Variants in AGPS observed in about 807,000 individuals in gnomAD.
AGPS encodes the protein alkylglycerone phosphate synthase, also known as alkyldihydroxyacetonephosphate synthase, peroxisomal.
AGPS carries 26 observed loss-of-function variants against 90.7 expected under a neutral mutation model. The observed-to-expected ratio is 0.29, with a 90% confidence interval of 0.21 to 0.40. The LOEUF is 0.40. Among genes scored for constraint, AGPS ranks in the 10% least tolerant of loss-of-function variants. The pLI is 1.00. For synonymous variants in AGPS, 294 were observed against 285.3 expected, an observed-to-expected ratio of 1.03 and a Z score of -0.31; for missense variants, 540 against 816.1, an observed-to-expected ratio of 0.66 and a Z score of 4.12.
At chr2:177,522,213 T>G (rs1313254925) in intron 18 of AGPS, among the ~76,000 whole-genome samples, 1 of 152,138 alleles carries the variant, frequency 6.6e-6, no homozygotes, top group Non-Finnish European at 1.5e-5. Context: ...CCCAAAAGTC[T>G]GAGTACTTTT....
chr2:177,434,997 GTA>G lies in AGPS; in HGVS notation c.441+606_441+607del, dbSNP rs1553509324. Among the ~76,000 whole-genome samples the G allele has an allele frequency of 4.7e-3, 608 of 128,122 alleles. 4 individuals are homozygous for G. The highest frequency in any genetic ancestry group is 0.011 in the African/African-American group (359 of 32,638). The allele number at this position is 128,122 out of a possible 152,430, so 84.1% of individuals were successfully genotyped here. On this transcript the variant is annotated intron_variant, in intron 3 of 19. Transcript: ENST00000264167. ...GGGATTAGGAAACTTTAAACTGTAG[GTA>G]TATATATATATATATATATATATAT...
rs148111927 is a variant in AGPS at position 177,434,494 on chromosome 2, T to G, written c.441+77T>G. 8,509 of 1,109,362 alleles carry G rather than the reference T, an allele frequency of 7.7e-3. 52 individuals carry two copies. Among genetic ancestry groups the G allele is most frequent in the Non-Finnish European group, 9.6e-3 (7,122 of 744,022 alleles). 68.7% of individuals were successfully genotyped at this position (1,109,362 alleles called of 1,614,324 possible). A position where few individuals can be genotyped will look rare whatever the true frequency, so the allele number is the denominator to read the frequency against. ...AAATTAATTTGATTTATCTTTGTAA[T>G]TCATTATATTGGATTTACTGCAACT... On this transcript the variant is annotated intron_variant, in intron 3 of 19. Coordinates refer to ENST00000264167, the MANE Select transcript of AGPS (RefSeq NM_003659.4).
At chr2:177,483,353 C>G (rs919256128) in intron 11 of AGPS, among the ~76,000 whole-genome samples, 12 of 152,310 alleles carry the variant, frequency 7.9e-5, no homozygotes, top group African/African-American at 2.4e-4. Context: ...CTAAGACACT[C>G]TTTCTGTCTG....
At chr2:177,518,501 C>A (rs150955964) in intron 17 of AGPS, among the ~76,000 whole-genome samples, 325 of 152,238 alleles carry the variant, frequency 2.1e-3, no homozygotes, top group African/African-American at 7.4e-3. Context: ...TATCCTGTTT[C>A]TTATATCATC....
chr2:177,542,872 A>T lies in AGPS; in HGVS notation c.*4677A>T, dbSNP rs553271271. 5.9e-5 allele frequency: 9 copies of T among 152,160 alleles called. 1 individual carries two copies. The South Asian group carries it at 1.7e-3, about 28-fold the overall frequency. The allele number at this position is 152,160 out of a possible 1,614,324, so 9.4% of individuals were successfully genotyped here. On this transcript the variant is annotated 3_prime_UTR_variant, in exon 20 of 20. Coordinates refer to ENST00000264167, the MANE Select transcript of AGPS (RefSeq NM_003659.4). ...TTTTTTTTTCCATGAACTAGCCATT[A>T]TTTTAAATGAGTGGGAGAGGGTAAG...
At chr2:177,408,248 T>C (rs1685518038) in intron 1 of AGPS, among the ~76,000 whole-genome samples, 1 of 152,192 alleles carries the variant, frequency 6.6e-6, no homozygotes, top group African/African-American at 2.4e-5. Flanking sequence ...GAAACTCTTC[T>C]CCATGACTCT....
At chr2:177,525,672 A>G (rs980345455) in intron 19 of AGPS, among the ~76,000 whole-genome samples, 1 of 152,206 alleles carries the variant, frequency 6.6e-6, no homozygotes, top group Admixed American at 6.5e-5. Context: ...TGTTTCCTTA[A>G]TTGTGGGATG....
rs756070827 is a variant in AGPS at position 177,437,104 on chromosome 2, GTAAAT to G, written c.637+52_637+56del. ...TTAATTTAGTATTGCTAAATTTTAGGTAAATTTAACATTGGAAATACGTACTTTTT... is the reference window on the plus strand; with the variant it reads ...TTAATTTAGTATTGCTAAATTTTAGGTTAACATTGGAAATACGTACTTTTT... On this transcript the variant is annotated intron_variant, in intron 5 of 19. Coordinates refer to ENST00000264167, the MANE Select transcript of AGPS (RefSeq NM_003659.4). 8.4e-6 allele frequency: 13 copies of G among 1,541,318 alleles called. No individual in the cohort carries two copies. In the African/African-American group the frequency reaches 1.6e-4, roughly 19 times the overall value.
chr2:177,451,948 C>A (rs1174759036), intron 8 of AGPS, among the ~76,000 whole-genome samples: 1 of 96,926 alleles, frequency 1.0e-5, no homozygotes, highest in Non-Finnish European at 2.1e-5. Flanking sequence ...GTTTACTCAC[C>A]ATGTATATAT....
At chr2:177,416,062 G>A (rs1380730990) in intron 1 of AGPS, among the ~76,000 whole-genome samples, 3 of 152,030 alleles carry the variant, frequency 2.0e-5, no homozygotes, top group Admixed American at 6.5e-5. Context: ...TTATTTTCTA[G>A]TGAAAAATAT....
At position 177,490,871 on chromosome 2, in the gene AGPS, T is replaced by TTTA. The variant is rs1553516095; in HGVS notation, c.1234-2277_1234-2276insTTA. Among the ~76,000 whole-genome samples, 238 of 135,066 alleles carry TTTA rather than the reference T, an allele frequency of 1.8e-3. 2 individuals carry two copies. Among genetic ancestry groups the TTTA allele is most frequent in the African/African-American group, 6.2e-3 (230 of 37,300 alleles). 88.6% of individuals were successfully genotyped at this position (135,066 alleles called of 152,430 possible). ...CTTTTTTTTTTTTTTTTTTTTTTTTTAAAGACAGAGTTTTGCTTTTGTTGC... is the reference window on the plus strand; with the variant it reads ...CTTTTTTTTTTTTTTTTTTTTTTTTTTTAAAAGACAGAGTTTTGCTTTTGTTGC... On this transcript the variant is annotated intron_variant, in intron 11 of 19. Transcript: ENST00000264167.
At chr2:177,436,343 G>A (rs1374583046) in intron 3 of AGPS, among the ~76,000 whole-genome samples, 1 of 151,808 alleles carries the variant, frequency 6.6e-6, no homozygotes, top group African/African-American at 2.4e-5. Context: ...GTAGAGGCGA[G>A]GTTTCACCAT....
intron 14 of AGPS, among the ~76,000 whole-genome samples, chr2:177,502,702 G>A (rs9288002): frequency 0.85 from 129,320 of 152,114 alleles, 55,159 homozygotes; most frequent in East Asian, 0.98. Context: ...AAGTGCTGGG[G>A]TTACAGGCAT....
chr2:177,454,282 G>T (rs1425979417), intron 8 of AGPS, among the ~76,000 whole-genome samples: 1 of 151,552 alleles, frequency 6.6e-6, no homozygotes, highest in Non-Finnish European at 1.5e-5. Flanking sequence ...AGTTCCTGTT[G>T]CTATGTCTTG....
At chr2:177,432,810 T>C (rs1180715926) in intron 2 of AGPS, among the ~76,000 whole-genome samples, 2 of 152,240 alleles carry the variant, frequency 1.3e-5, no homozygotes, top group Non-Finnish European at 2.9e-5. Flanking sequence ...CTGCTTCTGG[T>C]GAGGACCTCA....
intron 19 of AGPS, among the ~76,000 whole-genome samples, chr2:177,524,329 T>G (rs2079061125): frequency 6.6e-6 from 1 of 152,206 alleles, no homozygotes; most frequent in Non-Finnish European, 1.5e-5. Context: ...TATCGAGTGT[T>G]GTCAGAATTT....
At chr2:177,415,734 C>A (rs1489262506) in intron 1 of AGPS, among the ~76,000 whole-genome samples, 1 of 152,090 alleles carries the variant, frequency 6.6e-6, no homozygotes, top group African/African-American at 2.4e-5. Flanking sequence ...GTCTGACTGC[C>A]CTCACCAGTT....
At chr2:177,490,990 G>A (rs1255488178) in intron 11 of AGPS, among the ~76,000 whole-genome samples, 2 of 151,354 alleles carry the variant, frequency 1.3e-5, no homozygotes, top group Non-Finnish European at 2.9e-5. Flanking sequence ...CAAGTAGCTG[G>A]GATTACAGGC....
chr2:177,518,829 T>C lies in AGPS; in HGVS notation c.1698-2440T>C, dbSNP rs368447892. On this transcript the variant is annotated intron_variant, in intron 17 of 19. Coordinates refer to ENST00000264167, the MANE Select transcript of AGPS (RefSeq NM_003659.4). ...TTGGGAGTTTCTTTAAGTTGGCTTC[T>C]GTGTCCTTTTGATCTGGGAAAGTAG... Among the ~76,000 whole-genome samples the C allele has an allele frequency of 5.9e-5, 9 of 152,238 alleles. No homozygotes were observed. In the South Asian group the frequency reaches 8.3e-4, roughly 14 times the overall value.
Sources: gnomAD v4.1 joint callset for allele counts (sites outside exome capture counted in the v4.1 genomes callset) on GRCh38, gnomAD v4.1.1 for gene constraint, MANE v1.5 for transcripts, NCBI Gene and HGNC (gene_info 2026-07-23, HGNC 2026-07-21) for gene names.